Variants in EDA observed in about 807,000 individuals in gnomAD.
The protein encoded by EDA is ectodysplasin A.
EDA carries 2 observed loss-of-function variants against 23.6 expected under a neutral mutation model. The ratio of observed to expected loss-of-function variants is 0.08; its 90% CI spans 0.03 to 0.27. EDA has a LOEUF of 0.27. EDA is among the 10% of genes least tolerant of loss of function. The probability of loss-of-function intolerance (pLI) is 1.00; values close to 1 mark genes in which losing one functional copy is unlikely to be tolerated. For synonymous variants in EDA, 131 were observed against 132.0 expected (o/e 0.99, Z 0.05); for missense variants, 229 against 324.2 (o/e 0.71, Z 2.26).
intron 2 of EDA, among the ~76,000 whole-genome samples, chrX:69,996,641 G>A (rs913559984): frequency 9.0e-6 from 1 of 111,639 alleles, no homozygotes; most frequent in African/African-American, 3.3e-5. Context: ...AGTCACCTTG[G>A]CCAGCAACCG....
chrX:69,635,041 A>T (rs1015290047), intron 1 of EDA, among the ~76,000 whole-genome samples: 8 of 112,391 alleles, frequency 7.1e-5, no homozygotes, highest in Non-Finnish European at 1.3e-4. Flanking sequence ...AATAGGCTAT[A>T]CCTGTGTAGT....
chrX:69,909,850 G>A (rs1191929022), intron 1 of EDA, among the ~76,000 whole-genome samples: 1 of 112,123 alleles, frequency 8.9e-6, no homozygotes, highest in Non-Finnish European at 1.9e-5. Context: ...AAGCATTCTA[G>A]TATCCCCTAT....
intron 2 of EDA, among the ~76,000 whole-genome samples, chrX:69,969,576 T>G (rs1454167003): frequency 1.8e-5 from 2 of 112,374 alleles, no homozygotes; most frequent in African/African-American, 3.2e-5. Context: ...TATGTTATTT[T>G]TATACATCAT....
rs4844100 is a variant in EDA, at chrX:69,832,947, A to G, written c.397-124080A>G. Among the ~76,000 whole-genome samples, 9 of 109,593 alleles carry G rather than the reference A, an allele frequency of 8.2e-5. No homozygotes were observed. In the East Asian group the frequency reaches 8.8e-4, roughly 11 times the overall value. On this transcript the variant is annotated intron_variant, in intron 1 of 7. Coordinates refer to ENST00000374552, the MANE Select transcript of EDA (RefSeq NM_001399.5). Reference sequence around the variant, plus strand: ...GCTTAAGGAGATTTTGGGCTGAGACAATGGGGTTTTCTAAATATACAATCA... The same window carrying G: ...GCTTAAGGAGATTTTGGGCTGAGACGATGGGGTTTTCTAAATATACAATCA...
intron 1 of EDA, among the ~76,000 whole-genome samples, chrX:69,658,825 C>T (rs893188163): frequency 2.7e-5 from 3 of 111,669 alleles, no homozygotes; most frequent in African/African-American, 6.5e-5. Context: ...ATTTAAGCTG[C>T]GCAGATCAAC....
intron 1 of EDA, among the ~76,000 whole-genome samples, chrX:69,916,977 C>T (rs1445160170): frequency 9.1e-6 from 1 of 110,266 alleles, no homozygotes; most frequent in African/African-American, 3.3e-5. Context: ...GCTCTGTCAC[C>T]CAGGCTGGAG....
Position 70,035,577 on chromosome X carries a change from G to T in EDA, c.1144G>T (p.Ala382Ser), listed in dbSNP as rs749830948. 8.3e-7 allele frequency: 1 copy of T among 1,204,474 alleles called. No individual in the cohort carries two copies. The highest frequency in any genetic ancestry group is 1.8e-5 in the African/African-American group (1 of 55,521). Reference protein sequence around the residue: ...NMSKHTTFFGAIRLGEAPAS With the variant: ...NMSKHTTFFGSIRLGEAPAS ...GAGCAAGCACACCACGTTCTTTGGG[G>T]CCATCAGGCTGGGTGAAGCCCCTGC... is the stretch of plus-strand genomic sequence containing the variant. The change falls in exon 8 of 8, where the codon GCC becomes TCC. Residue 382 changes from alanine to serine, a missense_variant. Physicochemically the swap from Ala to Ser is moderately conservative, Grantham distance 99. Coordinates refer to ENST00000374552, the MANE Select transcript of EDA (RefSeq NM_001399.5).
chrX:69,839,709 G>A (rs1485334698), intron 1 of EDA, among the ~76,000 whole-genome samples: 1 of 111,721 alleles, frequency 9.0e-6, no homozygotes, highest in Non-Finnish European at 1.9e-5. Flanking sequence ...TGTGATTGAG[G>A]GTAAGGTTGG....
intron 1 of EDA, among the ~76,000 whole-genome samples, chrX:69,641,722 G>T (rs1471861709): frequency 9.0e-6 from 1 of 111,617 alleles, no homozygotes; most frequent in Non-Finnish European, 1.9e-5. Flanking sequence ...ACAGGCTGTT[G>T]CTTGGATGTT....
intron 1 of EDA, among the ~76,000 whole-genome samples, chrX:69,933,767 G>T (rs1938016): frequency 0.12 from 12,954 of 111,031 alleles, 1,285 homozygotes; most frequent in East Asian, 0.71. Flanking sequence ...CCATTCAGAC[G>T]AAGTGTTCCT....
chrX:69,896,043 A>T (rs2018009112), intron 1 of EDA, among the ~76,000 whole-genome samples: 1 of 111,655 alleles, frequency 9.0e-6, no homozygotes, highest in Admixed American at 9.5e-5. Flanking sequence ...CCAGTCAGGT[A>T]TCAGCAGGAT....
At chrX:69,997,081 C>T (rs1246312744) in intron 2 of EDA, among the ~76,000 whole-genome samples, 6 of 111,577 alleles carry the variant, frequency 5.4e-5, no homozygotes, top group African/African-American at 2.0e-4. Flanking sequence ...TGAAAAGATA[C>T]CCAAAAAAGT....
intron 1 of EDA, among the ~76,000 whole-genome samples, chrX:69,897,742 ACCCTC>A (rs2018038936): frequency 9.0e-6 from 1 of 111,516 alleles, no homozygotes; most frequent in African/African-American, 3.3e-5. Context: ...TGGATAAGTC[ACCCTC>A]TATGGAGACA....
chrX:69,734,655 T>C (rs2013179689), intron 1 of EDA, among the ~76,000 whole-genome samples: 1 of 111,920 alleles, frequency 8.9e-6, no homozygotes, highest in African/African-American at 3.2e-5. Context: ...CAAAATATTT[T>C]AAAATTTCTC....
chrX:69,959,002 A>G (rs1174079479), intron 2 of EDA, among the ~76,000 whole-genome samples: 1 of 111,010 alleles, frequency 9.0e-6, no homozygotes, highest in Admixed American at 9.6e-5. Flanking sequence ...TTACCTCTTC[A>G]TCTAACCTCC....
intron 1 of EDA, among the ~76,000 whole-genome samples, chrX:69,826,873 T>G (rs1236594426): frequency 1.5e-4 from 17 of 112,303 alleles, no homozygotes; most frequent in East Asian, 5.6e-4. Context: ...CTTCCTTCAG[T>G]AGCTCTTTTA....
intron 6 of EDA, among the ~76,000 whole-genome samples, chrX:70,031,367 G>T (rs953345190): frequency 8.9e-6 from 1 of 111,788 alleles, no homozygotes; most frequent in African/African-American, 3.3e-5. Context: ...GAATGATTAG[G>T]TTCATTTTCT....
chrX:69,655,485 G>A (rs545124090), intron 1 of EDA, among the ~76,000 whole-genome samples: 4 of 105,585 alleles, frequency 3.8e-5, no homozygotes, highest in South Asian at 8.8e-4. Context: ...TGTCCAGAAG[G>A]TATCATTACC....
chrX:69,676,484 CTGTG>C (rs372593855), intron 1 of EDA, among the ~76,000 whole-genome samples: 7 of 106,382 alleles, frequency 6.6e-5, no homozygotes, highest in African/African-American at 2.4e-4. Context: ...ATGAGTTTTT[CTGTG>C]TGTGTGTGTG....
Sources: allele counts gnomAD v4.1 joint callset (sites outside exome capture counted in the v4.1 genomes callset), GRCh38; gene constraint gnomAD v4.1.1; transcripts MANE v1.5; gene names NCBI Gene and HGNC (gene_info 2026-07-23, HGNC 2026-07-21).